ARHGEF3: variants seen among roughly 807,000 people sequenced by gnomAD.
The protein encoded by ARHGEF3 is Rho guanine nucleotide exchange factor 3.
A neutral mutation model predicts 63.2 loss-of-function variants in ARHGEF3; 28 were observed. The ratio of observed to expected loss-of-function variants is 0.44; its 90% CI spans 0.33 to 0.61. The LOEUF is 0.61. Ranked by LOEUF, ARHGEF3 falls within the 20% of genes least tolerant of loss-of-function variation. The pLI, the probability that ARHGEF3 is intolerant of heterozygous loss-of-function variation, is 0.03. For missense variants in ARHGEF3, 533 were observed against 659.3 expected, an observed-to-expected ratio of 0.81 and a Z score of 2.10; for synonymous variants, 266 against 254.2, an observed-to-expected ratio of 1.05 and a Z score of -0.44.
chr3:56,801,755 GCT>G lies in ARHGEF3; in HGVS notation c.42_43del (p.Arg14SerfsTer18). The G allele has an allele frequency of 6.4e-7, 1 of 1,569,896 alleles. No homozygotes were observed. The highest frequency in any genetic ancestry group is 8.6e-7 in the Non-Finnish European group (1 of 1,156,096). Reference sequence around the variant, plus strand: ...CGGGGGTAGCTCCAGGCTGCAGTTCGCTCTCTTGACCGTGAGGTAGAAGGGGT... The same window carrying G: ...CGGGGGTAGCTCCAGGCTGCAGTTCGCTCTTGACCGTGAGGTAGAAGGGGT... On this transcript the variant is annotated frameshift_variant, in exon 1 of 10. Coordinates refer to ENST00000296315, the MANE Select transcript of ARHGEF3 (RefSeq NM_019555.3). LOFTEE classifies it high-confidence loss of function.
At chr3:57,053,083 T>C (rs1704744311) in intron 1 of ARHGEF3, among the ~76,000 whole-genome samples, 1 of 152,210 alleles carries the variant, frequency 6.6e-6, no homozygotes, top group East Asian at 1.9e-4. Flanking sequence ...CATGCAAAGC[T>C]GCCTGCTAGG....
chr3:56,983,903 T>G lies in ARHGEF3; in HGVS notation c.63-25014A>C, dbSNP rs549283602. Among the ~76,000 whole-genome samples the G allele has an allele frequency of 2.1e-4, 28 of 131,272 alleles. 1 individual carries two copies. The highest frequency in any genetic ancestry group is 7.6e-4 in the South Asian group (3 of 3,966). 86.1% of individuals were successfully genotyped at this position (131,272 alleles called of 152,430 possible). A position where few individuals can be genotyped will look rare whatever the true frequency, so the allele number is the denominator to read the frequency against. On this transcript the variant is annotated intron_variant, in intron 2 of 12. Transcript: ENST00000338458. ...GTGAGCTGAGATTGTGCCACCGCAC[T>G]CCAGCCTAGTGACAGAGCGAGACTC...
In ARHGEF3 at chr3:56,992,407, A is replaced by AAAAAAAAAAAC. The variant is rs1553799653; in HGVS notation, c.63-33519_63-33518insGTTTTTTTTTT. 7.7e-5 allele frequency among the ~76,000 whole-genome samples: 9 copies of AAAAAAAAAAAC among 116,178 alleles called. 1 individual carries two copies. Among genetic ancestry groups the AAAAAAAAAAAC allele is most frequent in the Non-Finnish European group, 1.4e-4 (7 of 51,026 alleles). The allele number at this position is 116,178 out of a possible 152,430, so 76.2% of individuals were successfully genotyped here. ...AAAAAAAAAAAAAAAAAAAAAAAAA[A>AAAAAAAAAAAC]AAAAAAACAGAAAGAAGGTCATGTG... On this transcript the variant is annotated intron_variant, in intron 2 of 12. Transcript: ENST00000338458.
intron 4 of ARHGEF3, among the ~76,000 whole-genome samples, chr3:56,848,383 G>A (rs892668429): frequency 1.3e-5 from 2 of 152,032 alleles, no homozygotes; most frequent in African/African-American, 4.8e-5. Context: ...TGTAGCTTTG[G>A]GCAATTCACT....
At chr3:56,908,506 A>G (rs1196708902) in intron 3 of ARHGEF3, among the ~76,000 whole-genome samples, 1 of 152,148 alleles carries the variant, frequency 6.6e-6, no homozygotes, top group Non-Finnish European at 1.5e-5. Flanking sequence ...CTCACACCAT[A>G]ATGGTTCTGC....
intron 2 of ARHGEF3, among the ~76,000 whole-genome samples, chr3:56,996,103 C>G (rs1159521251): frequency 6.6e-6 from 1 of 152,124 alleles, no homozygotes; most frequent in Non-Finnish European, 1.5e-5. Context: ...ATCATCATCC[C>G]TTATTCTCAT....
chr3:56,964,185 C>G (rs1386558766), intron 2 of ARHGEF3, among the ~76,000 whole-genome samples: 5 of 151,934 alleles, frequency 3.3e-5, no homozygotes, highest in Non-Finnish European at 7.4e-5. Context: ...AACCCCGTCT[C>G]TACTAAAAAA....
chr3:56,844,925 T>A (rs2039434587), intron 4 of ARHGEF3, among the ~76,000 whole-genome samples: 1 of 152,128 alleles, frequency 6.6e-6, no homozygotes, highest in Admixed American at 6.5e-5. Flanking sequence ...AGGATGCACA[T>A]GATTATGTAT....
At chr3:56,808,168 G>A (rs540335337) in intron 4 of ARHGEF3, among the ~76,000 whole-genome samples, 1 of 151,686 alleles carries the variant, frequency 6.6e-6, no homozygotes, top group Admixed American at 6.6e-5. Flanking sequence ...AAAGCTGGAA[G>A]GCTTAATTCT....
chr3:56,843,778 A>G (rs1234561586), intron 4 of ARHGEF3, among the ~76,000 whole-genome samples: 1 of 152,204 alleles, frequency 6.6e-6, no homozygotes, highest in Non-Finnish European at 1.5e-5. Context: ...GCAATGATAT[A>G]TAAGAAGAAG....
intron 1 of ARHGEF3, among the ~76,000 whole-genome samples, chr3:57,062,716 A>G (rs1229338627): frequency 5.9e-5 from 9 of 152,182 alleles, no homozygotes; most frequent in Non-Finnish European, 1.0e-4. Context: ...ACACACACAC[A>G]CACAACAAAC....
chr3:56,833,782 T>C (rs1439888724), intron 4 of ARHGEF3, among the ~76,000 whole-genome samples: 3 of 152,218 alleles, frequency 2.0e-5, no homozygotes, highest in Non-Finnish European at 4.4e-5. Flanking sequence ...TTTTAACATA[T>C]GTTTGGAAAA....
chr3:57,057,007 A>C (rs1268215040), intron 1 of ARHGEF3, among the ~76,000 whole-genome samples: 1 of 151,862 alleles, frequency 6.6e-6, no homozygotes, highest in Non-Finnish European at 1.5e-5. Context: ...AAACACAAGC[A>C]GGCTGTCACT....
intron 3 of ARHGEF3, among the ~76,000 whole-genome samples, chr3:56,918,724 G>C (rs1048310048): frequency 1.3e-5 from 2 of 152,190 alleles, no homozygotes; most frequent in African/African-American, 2.4e-5. Context: ...TGATCCGCAA[G>C]GTCCACGTTC....
At chr3:56,890,571 G>C (rs1356982938) in intron 3 of ARHGEF3, among the ~76,000 whole-genome samples, 1 of 152,212 alleles carries the variant, frequency 6.6e-6, no homozygotes, top group Non-Finnish European at 1.5e-5. Flanking sequence ...GGATCCTGCA[G>C]AATGATGGGC....
chr3:56,990,936 CT>C (rs1170602822), intron 2 of ARHGEF3, among the ~76,000 whole-genome samples: 1 of 152,138 alleles, frequency 6.6e-6, no homozygotes, highest in Admixed American at 6.5e-5. Flanking sequence ...GTACACTCAG[CT>C]TTGCACAATG....
chr3:56,796,062 A>G (rs933902063), intron 1 of ARHGEF3, among the ~76,000 whole-genome samples: 1 of 152,012 alleles, frequency 6.6e-6, no homozygotes, highest in African/African-American at 2.4e-5. Flanking sequence ...ATGGCAACGC[A>G]GTCACGGCAA....
In ARHGEF3 at chr3:56,845,592, G is replaced by A. The variant is rs186052563; in HGVS notation, c.192+36700C>T. Among the ~76,000 whole-genome samples, 66 of 152,262 alleles carry A rather than the reference G, an allele frequency of 4.3e-4. No individual in the cohort carries two copies. In the East Asian group the frequency reaches 0.011, roughly 26 times the overall value. The stretch of plus-strand genomic sequence containing the variant: ...TTCACAGTGAGAGAGAACAGTATAC[G>A]TTTTAATATATGATGTTCCTTCATG... On this transcript the variant is annotated intron_variant, in intron 4 of 12. Transcript: ENST00000338458.
intron 2 of ARHGEF3, among the ~76,000 whole-genome samples, chr3:56,974,670 C>A (rs1021329012): frequency 6.6e-6 from 1 of 152,148 alleles, no homozygotes; most frequent in Non-Finnish European, 1.5e-5. Flanking sequence ...CTCCCCTCCC[C>A]CTGCCCCCCA....
Sources: gnomAD v4.1 joint callset for allele counts (sites outside exome capture counted in the v4.1 genomes callset) on GRCh38, gnomAD v4.1.1 for gene constraint, MANE v1.5 for transcripts, NCBI Gene and HGNC (gene_info 2026-07-23, HGNC 2026-07-21) for gene names.